PCDH17: variants seen among roughly 807,000 people sequenced by gnomAD.
PCDH17 encodes protocadherin 17.
Under a neutral mutation model 67.7 loss-of-function variants are expected in PCDH17, and 21 were observed. That is an observed-to-expected ratio of 0.31 (90% CI 0.22 to 0.45). The LOEUF (loss-of-function observed/expected upper bound fraction) is 0.45, where lower values mean the gene tolerates loss of function less well. PCDH17 is among the 20% of genes least tolerant of loss of function. PCDH17 has a pLI of 1.00. For synonymous variants in PCDH17, 701 were observed against 656.7 expected, an observed-to-expected ratio of 1.07 and a Z score of -1.03; for missense variants, 1,471 against 1,564.8, an observed-to-expected ratio of 0.94 and a Z score of 1.01.
At chr13:57,705,042 T>G (rs1593941341) in intron 3 of PCDH17, among the ~76,000 whole-genome samples, 1 of 152,118 alleles carries the variant, frequency 6.6e-6, no homozygotes, top group African/African-American at 2.4e-5. Flanking sequence ...CTACTTGACA[T>G]TTACTCTTCT....
intron 1 of PCDH17, among the ~76,000 whole-genome samples, chr13:57,655,372 T>A (rs1205876460): frequency 6.6e-6 from 1 of 151,982 alleles, no homozygotes; most frequent in Admixed American, 6.6e-5. Flanking sequence ...CCAAAATTAT[T>A]GTATTCATAA....
At chr13:57,665,459 G>A (rs1442076981) in intron 1 of PCDH17, among the ~76,000 whole-genome samples, 1 of 151,832 alleles carries the variant, frequency 6.6e-6, no homozygotes, top group African/African-American at 2.4e-5. Flanking sequence ...TCTTACCTTG[G>A]GCCCTCTGTT....
At chr13:57,720,848 G>A (rs1955866497) in intron 3 of PCDH17, among the ~76,000 whole-genome samples, 1 of 152,020 alleles carries the variant, frequency 6.6e-6, no homozygotes, top group South Asian at 2.1e-4. Flanking sequence ...TATAAATTAA[G>A]AGGCACAATT....
At chr13:57,707,341 G>A (rs1374768037) in intron 3 of PCDH17, among the ~76,000 whole-genome samples, 1 of 125,200 alleles carries the variant, frequency 8.0e-6, no homozygotes, top group African/African-American at 4.6e-5. Flanking sequence ...GACCGTGTGT[G>A]TGTGTGTGTG....
chr13:57,652,936 G>A (rs540067452), intron 1 of PCDH17, among the ~76,000 whole-genome samples: 26 of 152,184 alleles, frequency 1.7e-4, no homozygotes, highest in Admixed American at 6.5e-4. Context: ...CACTTTGGAG[G>A]AGAATTCTTT....
At chr13:57,713,996 T>A (rs949996832) in intron 3 of PCDH17, among the ~76,000 whole-genome samples, 2 of 151,662 alleles carry the variant, frequency 1.3e-5, no homozygotes, top group Non-Finnish European at 3.0e-5. Flanking sequence ...AAGGAAACTT[T>A]AGACCTATCC....
At chr13:57,713,558 TTGAG>T (rs1955794618) in intron 3 of PCDH17, among the ~76,000 whole-genome samples, 6 of 151,728 alleles carry the variant, frequency 4.0e-5, no homozygotes, top group Admixed American at 1.3e-4. Flanking sequence ...GGGGTATTGT[TTGAG>T]TAAGATCAAG....
chr13:57,725,490 G>A lies in PCDH17; in HGVS notation c.*196G>A, dbSNP rs142995613. ...CTTTTTCAGAGATAACAATGGTTTC[G>A]TTTTGACCAAACTTGTATTAGGACA... On this transcript the variant is annotated 3_prime_UTR_variant, in exon 4 of 4. Transcript: ENST00000377918. 2.0e-3 allele frequency: 1,049 copies of A among 526,356 alleles called. 9 individuals carry two copies. Among genetic ancestry groups the A allele is most frequent in the African/African-American group, 0.011 (579 of 52,678 alleles). The allele number at this position is 526,356 out of a possible 1,614,324, so 32.6% of individuals were successfully genotyped here.
intron 3 of PCDH17, among the ~76,000 whole-genome samples, chr13:57,716,063 A>G (rs1319928047): frequency 6.6e-6 from 1 of 151,966 alleles, no homozygotes; most frequent in African/African-American, 2.4e-5. Context: ...CCAGTGAATC[A>G]TTCAGGTCTT....
chr13:57,653,611 G>A (rs117705495), intron 1 of PCDH17, among the ~76,000 whole-genome samples: 2,884 of 152,140 alleles, frequency 0.019, 35 homozygotes, highest in Non-Finnish European at 0.025. Flanking sequence ...GAGGTTAAAA[G>A]GAAAGAGATT....
intron 3 of PCDH17, among the ~76,000 whole-genome samples, chr13:57,721,697 C>T (rs745737584): frequency 6.6e-6 from 1 of 151,996 alleles, no homozygotes; most frequent in African/African-American, 2.4e-5. Context: ...CCACACTACA[C>T]TCTCTCTTCA....
At chr13:57,674,584 C>T (rs763501786) in intron 3 of PCDH17, among the ~76,000 whole-genome samples, 25 of 151,896 alleles carry the variant, frequency 1.6e-4, no homozygotes, top group Non-Finnish European at 2.8e-4. Context: ...GCTTCAGCCT[C>T]CCAAAGTGCT....
rs116218603 is a variant in PCDH17, at chr13:57,706,618, C to A, written c.2798-17994C>A. On this transcript the variant is annotated intron_variant, in intron 3 of 3. Transcript: ENST00000377918. The stretch of plus-strand genomic sequence containing the variant: ...CATGATGGTTTATTCTTCATTTCAT[C>A]CCATCTCTGTCCTTTTCAGTCCAAG... Among the ~76,000 whole-genome samples the A allele has an allele frequency of 4.1e-3, 626 of 152,214 alleles. 5 individuals are homozygous for A. Among genetic ancestry groups the A allele is most frequent in the African/African-American group, 0.015 (603 of 41,552 alleles).
intron 3 of PCDH17, among the ~76,000 whole-genome samples, chr13:57,712,333 AATT>A (rs760384599): frequency 1.3e-5 from 2 of 151,654 alleles, no homozygotes; most frequent in African/African-American, 2.4e-5. Flanking sequence ...TTGTGATCCC[AATT>A]ATGTGTCCAA....
At chr13:57,708,916 TTTTG>T (rs1217099151) in intron 3 of PCDH17, among the ~76,000 whole-genome samples, 3 of 151,932 alleles carry the variant, frequency 2.0e-5, no homozygotes, top group South Asian at 2.1e-4. Context: ...AATATTCTTT[TTTTG>T]TTTGTTTTAG....
At position 57,633,923 on chromosome 13, in the gene PCDH17, G is replaced by T. The variant is rs1954775112; in HGVS notation, c.1377G>T (p.Ala459=). Residue 459 remains alanine (A), a synonymous_variant, in exon 1 of 4, where the codon GCG becomes GCT. Coordinates refer to ENST00000377918, the MANE Select transcript of PCDH17 (RefSeq NM_001040429.3). This position sits in a 1 kb window ranked among gnomAD's most constrained non-coding sequence, Gnocchi z 6.2. ...SPPLNSTKSF[A]IKILDENDNP... ...CCCTCAACTCCACCAAGTCGTTCGC[G>T]ATCAAGATTCTAGACGAGAACGACA... 6.2e-7 allele frequency: 1 copy of T among 1,613,292 alleles called. No individual in the cohort carries two copies. The highest frequency in any genetic ancestry group is 1.1e-5 in the South Asian group (1 of 91,084).
intron 3 of PCDH17, among the ~76,000 whole-genome samples, chr13:57,693,369 C>T (rs995679029): frequency 5.9e-5 from 7 of 118,336 alleles, no homozygotes; most frequent in Non-Finnish European, 1.0e-4. Context: ...TACAAAATAT[C>T]TTCTCTAAAA....
chr13:57,642,160 A>T (rs1422118298), intron 1 of PCDH17, among the ~76,000 whole-genome samples: 1 of 151,744 alleles, frequency 6.6e-6, no homozygotes, highest in Non-Finnish European at 1.5e-5. Context: ...TGATTCTGAA[A>T]TATATGCTGT....
chr13:57,670,214 G>C (rs567972121), intron 3 of PCDH17, among the ~76,000 whole-genome samples: 1 of 151,818 alleles, frequency 6.6e-6, no homozygotes, highest in African/African-American at 2.4e-5. Context: ...CTATTGTCTT[G>C]ATCAATGTAT....
Sources: allele counts gnomAD v4.1 joint callset (sites outside exome capture counted in the v4.1 genomes callset), GRCh38; gene constraint gnomAD v4.1.1; non-coding constraint Gnocchi (gnomAD v3.1); transcripts MANE v1.5; gene names NCBI Gene and HGNC (gene_info 2026-07-23, HGNC 2026-07-21).